The following ACSF3 variants were observed in gnomAD, a reference collection of about 807,000 sequenced individuals.
The protein encoded by ACSF3 is acyl-CoA synthetase family member 3.
ACSF3 carries 78 observed loss-of-function variants against 53.2 expected under a neutral mutation model. The observed-to-expected ratio is 1.47, with a 90% CI of 1.22 to 1.77. ACSF3 has a LOEUF of 1.77. Ranked by LOEUF, ACSF3 falls within the 40% of genes most tolerant of loss-of-function variation. The pLI is 0.00. For synonymous variants in ACSF3, 414 were observed against 333.1 expected, an observed-to-expected ratio of 1.24 and a Z score of -2.65; for missense variants, 937 against 771.1, an observed-to-expected ratio of 1.22 and a Z score of -2.55.
chr16:89,150,496 GGGGACACCAGGCCGCCCCTGCCCA>G (rs1388058436), intron 10 of ACSF3: 30 of 166,254 alleles, frequency 1.8e-4, no homozygotes, highest in South Asian at 8.4e-4. Context: ...CCCTCTGCGT[GGGGACACCAGGCCGCCCCTGCCCA>G]GGGACACCAG....
At chr16:89,124,553 GTA>G (rs1299323390) in intron 7 of ACSF3, among the ~76,000 whole-genome samples, 2 of 82,132 alleles carry the variant, frequency 2.4e-5, no homozygotes, top group Admixed American at 1.5e-4. Context: ...CTCACTGTAT[GTA>G]TGTGTGTGAG....
chr16:89,154,301 T>A lies in ACSF3; in HGVS notation c.*94T>A. 1 of 1,184,034 alleles carries A rather than the reference T, an allele frequency of 8.4e-7. No individual in the cohort carries two copies. The highest frequency in any genetic ancestry group is 1.2e-6 in the Non-Finnish European group (1 of 810,914). The allele number at this position is 1,184,034 out of a possible 1,614,324, so 73.3% of individuals were successfully genotyped here. A position where few individuals can be genotyped will look rare whatever the true frequency, so the allele number is the denominator to read the frequency against. On this transcript the variant is annotated 3_prime_UTR_variant, in exon 11 of 11. Transcript: ENST00000614302. The stretch of plus-strand genomic sequence containing the variant: ...GGCCCGTCCAAGACCTGGCCTCCCT[T>A]AAACCTGAACCCCCCAAATCAGGTC...
chr16:89,119,005 C>T (rs971504462), intron 6 of ACSF3, among the ~76,000 whole-genome samples: 14 of 151,914 alleles, frequency 9.2e-5, no homozygotes, highest in Non-Finnish European at 1.6e-4. Flanking sequence ...GGACCCCTCC[C>T]TCGAGCTCTC....
At chr16:89,139,408 C>G (rs951796902) in intron 8 of ACSF3, among the ~76,000 whole-genome samples, 4 of 152,062 alleles carry the variant, frequency 2.6e-5, no homozygotes, top group African/African-American at 9.7e-5. Flanking sequence ...GTGTAGGGTC[C>G]GTACTTGGAG....
intron 6 of ACSF3, among the ~76,000 whole-genome samples, chr16:89,116,102 A>G (rs1567706032): frequency 6.6e-6 from 1 of 152,200 alleles, no homozygotes; most frequent in African/African-American, 2.4e-5. Context: ...ACCATGATCC[A>G]TTTTGAGTTA....
At position 89,155,446 on chromosome 16, in the gene ACSF3, C is replaced by CTGA. The variant is rs767195619; in HGVS notation, c.*1239_*1240insTGA. On this transcript the variant is annotated 3_prime_UTR_variant, in exon 11 of 11. Transcript: ENST00000614302. ...GGGGCCCCTGCTCACTTGAGCATGT[C>CTGA]GCCCACCAAGCTTGTCTGAGGCCAC... 26 of 454,158 alleles carry CTGA rather than the reference C, an allele frequency of 5.7e-5. No homozygotes were observed. The highest frequency in any genetic ancestry group is 3.9e-4 in the South Asian group (25 of 64,482). 28.1% of individuals were successfully genotyped at this position (454,158 alleles called of 1,614,324 possible).
chr16:89,098,349 G>C (rs1433892679), intron 1 of ACSF3, among the ~76,000 whole-genome samples: 1 of 152,222 alleles, frequency 6.6e-6, no homozygotes, highest in Non-Finnish European at 1.5e-5. Context: ...TGGAGAGAGA[G>C]AACCTGCTGA....
At chr16:89,141,396 G>T (rs1478971631) in intron 8 of ACSF3, 6 of 1,101,564 alleles carry the variant, frequency 5.4e-6, no homozygotes, top group Non-Finnish European at 7.2e-6. Context: ...CAAGCTCAGG[G>T]CTGGGAGGGA....
intron 5 of ACSF3, chr16:89,113,587 C>G (rs570372410): frequency 1.5e-4 from 23 of 154,448 alleles, no homozygotes; most frequent in Non-Finnish European, 3.0e-4. Flanking sequence ...CCTCGGCCAT[C>G]TGGATCTCCC....
chr16:89,151,245 T>C, intron 10 of ACSF3: 1 of 455,112 alleles, frequency 2.2e-6, no homozygotes, highest in South Asian at 1.6e-5. Context: ...TGAACAGTTC[T>C]GAGTTACCAA....
chr16:89,107,321 C>T (rs147318344), intron 4 of ACSF3, among the ~76,000 whole-genome samples: 3 of 152,292 alleles, frequency 2.0e-5, no homozygotes, highest in African/African-American at 7.2e-5. Context: ...TTCACCTCCG[C>T]GCCTGCTCCC....
intron 8 of ACSF3, chr16:89,140,952 G>A (rs1424703212): frequency 2.8e-6 from 2 of 709,470 alleles, no homozygotes; most frequent in Non-Finnish European, 4.0e-6. Flanking sequence ...ACATCAGGCC[G>A]AGGACATACA....
In ACSF3 at chr16:89,154,561, A is replaced by AAAC. The variant is rs1567758643; in HGVS notation, c.*356_*357insCAA. The AAAC allele has an allele frequency of 6.5e-6, 2 of 305,524 alleles. No individual in the cohort carries two copies. The highest frequency in any genetic ancestry group is 8.6e-5 in the Admixed American group (2 of 23,240). The allele number at this position is 305,524 out of a possible 1,614,324, so 18.9% of individuals were successfully genotyped here. ...GGCAGGTCCCAGAGGTTTCCCACAA[A>AAAC]AAACAAAGACTCCACTGGAGGAAAC... On this transcript the variant is annotated 3_prime_UTR_variant, in exon 11 of 11. Coordinates refer to ENST00000614302, the MANE Select transcript of ACSF3 (RefSeq NM_001243279.3).
At position 89,101,178 on chromosome 16, in the gene ACSF3, C is replaced by T. The variant is rs781425127; in HGVS notation, c.497C>T (p.Pro166Leu). The change falls in exon 3 of 11, where the codon CCG becomes CTG. Residue 166 changes from proline to leucine, a missense_variant. Transcript: ENST00000614302. ...LSPVVRKLGV[P>L]LLPLTPAIYT... ...CCGGTGGTCAGGAAGCTGGGGGTCC[C>T]GCTGCTGCCGCTCACACCAGCCATC... 174 of 1,602,748 alleles carry T rather than the reference C, an allele frequency of 1.1e-4. No individual in the cohort carries two copies. The highest frequency in any genetic ancestry group is 3.1e-4 in the Admixed American group (18 of 58,546).
intron 7 of ACSF3, among the ~76,000 whole-genome samples, chr16:89,124,493 G>GTA (rs796955963): frequency 2.7e-5 from 4 of 150,528 alleles, no homozygotes; most frequent in Admixed American, 6.6e-5. Flanking sequence ...CACACTGAGT[G>GTA]TGTGTTACCT....
At position 89,098,700 on chromosome 16, in the gene ACSF3, T is replaced by C; in HGVS notation, c.-84T>C. 2.2e-6 allele frequency: 1 copy of C among 454,148 alleles called. No homozygotes were observed. Among genetic ancestry groups the C allele is most frequent in the South Asian group, 1.6e-5 (1 of 64,480 alleles). 28.1% of individuals were successfully genotyped at this position (454,148 alleles called of 1,614,324 possible). A position where few individuals can be genotyped will look rare whatever the true frequency, so the allele number is the denominator to read the frequency against. On this transcript the variant is annotated 5_prime_UTR_variant, in exon 2 of 11. Coordinates refer to ENST00000614302, the MANE Select transcript of ACSF3 (RefSeq NM_001243279.3). ...GTGCCCTTCCACCTGCTGAAGCAGC[T>C]GTGCCTGCCGCTCTTGTGAACTGCG...
At position 89,098,781 on chromosome 16, in the gene ACSF3, C is replaced by T. The variant is rs1487409031; in HGVS notation, c.-21+18C>T. 4.4e-6 allele frequency: 2 copies of T among 454,068 alleles called. No individual in the cohort carries two copies. Among genetic ancestry groups the T allele is most frequent in the Non-Finnish European group, 8.8e-6 (2 of 226,822 alleles). 28.1% of individuals were successfully genotyped at this position (454,068 alleles called of 1,614,324 possible). On this transcript the variant is annotated intron_variant, in intron 2 of 10. Transcript: ENST00000614302. ...GGAGCTGGGTGAGTTTGAACTTGGC[C>T]TCCTTTGCTTTTCTGTGTGCGAACA... is the stretch of plus-strand genomic sequence containing the variant.
At chr16:89,099,881 GAAAGA>G (rs1189491739) in intron 2 of ACSF3, among the ~76,000 whole-genome samples, 2 of 149,358 alleles carry the variant, frequency 1.3e-5, no homozygotes, top group Middle Eastern at 3.5e-3. Flanking sequence ...AGGAGAGAGA[GAAAGA>G]AAAGAAAAGA....
intron 10 of ACSF3, among the ~76,000 whole-genome samples, chr16:89,146,317 G>A (rs963549489): frequency 3.3e-5 from 5 of 152,286 alleles, no homozygotes; most frequent in African/African-American, 1.2e-4. Flanking sequence ...TGTACGGCCT[G>A]TGGTGGGTTC....
Sources: allele counts gnomAD v4.1 joint callset (sites outside exome capture counted in the v4.1 genomes callset), GRCh38; gene constraint gnomAD v4.1.1; transcripts MANE v1.5; gene names NCBI Gene and HGNC (gene_info 2026-07-23, HGNC 2026-07-21).